The following STK39 variants were observed in gnomAD, a reference collection of about 807,000 sequenced individuals.
The protein encoded by STK39 is serine/threonine kinase 39, also known as STE20/SPS1-related proline-alanine-rich protein kinase.
Under a neutral mutation model 77.8 loss-of-function variants are expected in STK39, and 20 were observed. The observed-to-expected ratio is 0.26, with a 90% CI of 0.18 to 0.37. STK39 has a LOEUF of 0.37. Among genes scored for constraint, STK39 ranks in the 10% least tolerant of loss-of-function variants. The pLI, the probability that STK39 is intolerant of heterozygous loss-of-function variation, is 1.00. For missense variants in STK39, 479 were observed against 656.5 expected (o/e 0.73, Z 2.95); for synonymous variants, 246 against 234.1 (o/e 1.05, Z -0.47).
chr2:168,036,018 C>G (rs1293024715), intron 14 of STK39, among the ~76,000 whole-genome samples: 3 of 152,182 alleles, frequency 2.0e-5, no homozygotes, highest in African/African-American at 7.2e-5. Context: ...ATGTATAACA[C>G]AGCGAATACG....
intron 16 of STK39, among the ~76,000 whole-genome samples, chr2:168,000,464 G>A (rs921295357): frequency 4.6e-5 from 7 of 152,136 alleles, no homozygotes; most frequent in East Asian, 1.9e-4. Context: ...ATGCTTCCCC[G>A]GAGTAATGCT....
intron 14 of STK39, among the ~76,000 whole-genome samples, chr2:168,043,223 A>AC (rs1332981705): frequency 6.6e-6 from 1 of 152,020 alleles, no homozygotes; most frequent in Non-Finnish European, 1.5e-5. Context: ...TTCATTTTAT[A>AC]CCCCCAGAAC....
At chr2:168,030,116 C>A (rs1233126350) in intron 14 of STK39, among the ~76,000 whole-genome samples, 1 of 152,032 alleles carries the variant, frequency 6.6e-6, no homozygotes, top group Non-Finnish European at 1.5e-5. Flanking sequence ...TGGCGGGCGC[C>A]GGTAGTCCAG....
rs569784246 is a variant in STK39 at position 168,207,200 on chromosome 2, C to G, written c.209-25110G>C. ...ACTGCTACCCTATGATAGTGACTGT[C>G]TTTTATAACATTTGCATTATTTTTA... On this transcript the variant is annotated intron_variant, in intron 1 of 17. Transcript: ENST00000355999. Among the ~76,000 whole-genome samples, 196 of 152,330 alleles carry G rather than the reference C, an allele frequency of 1.3e-3. 1 individual carries two copies. Among genetic ancestry groups the G allele is most frequent in the African/African-American group, 4.5e-3 (188 of 41,576 alleles).
chr2:168,083,265 G>A (rs902445258), intron 10 of STK39, among the ~76,000 whole-genome samples: 5 of 140,040 alleles, frequency 3.6e-5, no homozygotes, highest in Admixed American at 7.3e-5. Context: ...AGCTTTTGTC[G>A]ATCCAATTGG....
Position 168,247,507 on chromosome 2 carries a change from G to A in STK39, c.-72C>T. 3 of 1,149,000 alleles carry A rather than the reference G, an allele frequency of 2.6e-6. No individual in the cohort carries two copies. The highest frequency in any genetic ancestry group is 3.7e-5 in the Admixed American group (1 of 27,368). The allele number at this position is 1,149,000 out of a possible 1,614,324, so 71.2% of individuals were successfully genotyped here. The stretch of plus-strand genomic sequence containing the variant: ...TTCCACTTGAAACTTCCTTTGCCTC[G>A]CCGCCGACACCTCTCGGCCGGCGCA... On this transcript the variant is annotated 5_prime_UTR_variant, in exon 1 of 18. Transcript: ENST00000355999.
intron 14 of STK39, among the ~76,000 whole-genome samples, chr2:168,036,167 C>A (rs149256132): frequency 8.5e-4 from 129 of 152,138 alleles, no homozygotes; most frequent in African/African-American, 2.9e-3. Context: ...CTGGGATTAG[C>A]CCAAATCAGC....
At chr2:168,134,481 A>T (rs1687780364) in intron 8 of STK39, among the ~76,000 whole-genome samples, 2 of 149,924 alleles carry the variant, frequency 1.3e-5, no homozygotes, top group African/African-American at 4.9e-5. Flanking sequence ...TTTCTTAAGG[A>T]TTTATCAATG....
chr2:168,073,140 CTACA>C (rs1467518983), intron 12 of STK39, among the ~76,000 whole-genome samples: 1 of 152,210 alleles, frequency 6.6e-6, no homozygotes, highest in Non-Finnish European at 1.5e-5. Flanking sequence ...TCACGGCACA[CTACA>C]TAGTCTTTCC....
intron 3 of STK39, among the ~76,000 whole-genome samples, 182 bp downstream of exon 3, chr2:168,167,117 T>C (rs1411950297): frequency 6.6e-6 from 1 of 152,042 alleles, no homozygotes; most frequent in Non-Finnish European, 1.5e-5. Context: ...TTAAGCAAAA[T>C]TATGAAAAGC....
At chr2:168,212,197 G>A (rs1689907685) in intron 1 of STK39, among the ~76,000 whole-genome samples, 1 of 152,152 alleles carries the variant, frequency 6.6e-6, no homozygotes, top group African/African-American at 2.4e-5. Flanking sequence ...CAGCTTGTCA[G>A]GCAAAGATTA....
Position 168,100,203 on chromosome 2 carries a change from C to T in STK39, c.1090-24972G>A, listed in dbSNP as rs1686784941. Reference sequence around the variant, plus strand: ...TTGGGAAACTTGAAAATCATTACAGCAGAAAGGCTCAAGACCAAAGGAAGG... The same window carrying T: ...TTGGGAAACTTGAAAATCATTACAGTAGAAAGGCTCAAGACCAAAGGAAGG... On this transcript the variant is annotated intron_variant, in intron 10 of 17. Transcript: ENST00000355999. Among the ~76,000 whole-genome samples, 4 of 152,104 alleles carry T rather than the reference C, an allele frequency of 2.6e-5. No individual in the cohort carries two copies. In the South Asian group the frequency reaches 8.3e-4, roughly 32 times the overall value.
At chr2:168,246,734 A>T (rs372063662) in intron 1 of STK39, among the ~76,000 whole-genome samples, 4 of 150,630 alleles carry the variant, frequency 2.7e-5, no homozygotes, top group East Asian at 3.9e-4. Flanking sequence ...ACCCACGACG[A>T]GAGGGTCACG....
chr2:168,017,380 T>TTTC (rs1491292794), intron 14 of STK39, among the ~76,000 whole-genome samples: 18 of 41,040 alleles, frequency 4.4e-4, no homozygotes, highest in Non-Finnish European at 9.5e-4. Flanking sequence ...AACCTTAATT[T>TTTC]TTTTTTTTTT....
intron 10 of STK39, among the ~76,000 whole-genome samples, chr2:168,092,329 T>C (rs1262017473): frequency 6.6e-6 from 1 of 152,234 alleles, no homozygotes; most frequent in African/African-American, 2.4e-5. Flanking sequence ...AGGGGCAATG[T>C]CTCAACTGTG....
In STK39 at chr2:168,169,631, CGTGTGT is replaced by C. The variant is rs10611769; in HGVS notation, c.322-2230_322-2225del. Among the ~76,000 whole-genome samples the C allele has an allele frequency of 6.8e-3, 991 of 145,928 alleles. 13 individuals are homozygous for C. The highest frequency in any genetic ancestry group is 0.023 in the African/African-American group (919 of 39,338). On this transcript the variant is annotated intron_variant, in intron 2 of 17. Transcript: ENST00000355999. ...TCAGGTTCTCTGACTTTGCAGTGAG[CGTGTGT>C]GTGTGTGTGTGTGTGTGTGTGTGTA... is the stretch of plus-strand genomic sequence containing the variant.
intron 5 of STK39, among the ~76,000 whole-genome samples, chr2:168,152,045 C>T (rs547601365): frequency 6.6e-6 from 1 of 152,208 alleles, no homozygotes; most frequent in Non-Finnish European, 1.5e-5. Context: ...AGTAGAGTCA[C>T]TGGTCACACC....
At chr2:168,102,286 C>G (rs975234947) in intron 10 of STK39, among the ~76,000 whole-genome samples, 1 of 152,140 alleles carries the variant, frequency 6.6e-6, no homozygotes. Flanking sequence ...GGGAGGGTTC[C>G]AGTTCTTCCA....
intron 1 of STK39, among the ~76,000 whole-genome samples, chr2:168,190,753 C>T (rs1266463640): frequency 1.3e-5 from 2 of 152,198 alleles, no homozygotes; most frequent in East Asian, 3.9e-4. Context: ...CTGAGAAAAT[C>T]TGACTTTTAT....
Sources: allele counts gnomAD v4.1 joint callset (sites outside exome capture counted in the v4.1 genomes callset), GRCh38; gene constraint gnomAD v4.1.1; transcripts MANE v1.5; gene names NCBI Gene and HGNC (gene_info 2026-07-23, HGNC 2026-07-21).